The following OCRL variants were observed in gnomAD, a reference collection of about 807,000 sequenced individuals.
OCRL encodes OCRL inositol polyphosphate-5-phosphatase, also known as inositol polyphosphate 5-phosphatase OCRL.
A neutral mutation model predicts 78.9 loss-of-function variants in OCRL; 8 were observed. The ratio of observed to expected loss-of-function variants is 0.10; its 90% CI spans 0.06 to 0.18. The LOEUF (loss-of-function observed/expected upper bound fraction) is 0.18. OCRL is among the 10% of genes least tolerant of loss of function. The probability of loss-of-function intolerance (pLI) is 1.00; values close to 1 mark genes in which losing one functional copy is unlikely to be tolerated. For missense variants in OCRL, 454 were observed against 696.7 expected (o/e 0.65, Z 3.92); for synonymous variants, 240 against 235.4 (o/e 1.02, Z -0.18).
intron 18 of OCRL, among the ~76,000 whole-genome samples, chrX:129,578,863 GACA>G (rs961533812): frequency 1.8e-5 from 2 of 108,868 alleles, no homozygotes; most frequent in African/African-American, 6.8e-5. Context: ...TATGTGTGTG[GACA>G]TCATTTTTCT....
chrX:129,542,402 CTA>C (rs1206480493), intron 2 of OCRL, among the ~76,000 whole-genome samples: 1 of 105,747 alleles, frequency 9.5e-6, no homozygotes, highest in Non-Finnish European at 1.9e-5. Flanking sequence ...TATATATAAA[CTA>C]TGTAAATAGT....
Position 129,567,356 on chromosome X carries a change from G to T in OCRL, c.1459G>T (p.Asp487Tyr). ...YKYDSKTDRW[D>Y]SSGKCRVPAW... ...GTATGACTCTAAAACAGACCGGTGGGATTCCAGGTAAAGTAATAAGAACCT... is the reference window on the plus strand; with the variant it reads ...GTATGACTCTAAAACAGACCGGTGGTATTCCAGGTAAAGTAATAAGAACCT... The change falls in exon 14 of 24, where the codon GAT becomes TAT. Residue 487 changes from aspartate (D) to tyrosine (Y), a missense_variant. Asp to Tyr is a radical substitution (Grantham distance 160). Transcript: ENST00000371113. 1 of 1,150,806 alleles carries T rather than the reference G, an allele frequency of 8.7e-7. No individual in the cohort carries two copies. The highest frequency in any genetic ancestry group is 1.2e-6 in the Non-Finnish European group (1 of 840,025). 94.8% of individuals were successfully genotyped at this position (1,150,806 alleles called of 1,213,427 possible). A position where few individuals can be genotyped will look rare whatever the true frequency, so the allele number is the denominator to read the frequency against.
In OCRL at chrX:129,544,955, T is replaced by C. The variant is rs752861579; in HGVS notation, c.120-3T>C. The C allele has an allele frequency of 5.3e-6, 6 of 1,136,510 alleles. No homozygotes were observed. Among genetic ancestry groups the C allele is most frequent in the Middle Eastern group, 2.4e-4 (1 of 4,169 alleles). 93.7% of individuals were successfully genotyped at this position (1,136,510 alleles called of 1,213,427 possible). A position where few individuals can be genotyped will look rare whatever the true frequency, so the allele number is the denominator to read the frequency against. Reference sequence around the variant, plus strand: ...TTCTTTGATGCGTTCTTCTGTTTCCTAGGTTAATAATCCAGTTGCATGAGA... The same window carrying C: ...TTCTTTGATGCGTTCTTCTGTTTCCCAGGTTAATAATCCAGTTGCATGAGA... On this transcript the variant is annotated splice_region_variant and splice_polypyrimidine_tract_variant and intron_variant, in intron 2 of 23. Transcript: ENST00000371113.
chrX:129,584,479 T>C, intron 19 of OCRL, 112 bp downstream of exon 19: 1 of 707,621 alleles, frequency 1.4e-6, no homozygotes, highest in Non-Finnish European at 2.3e-6. Context: ...TCTGACTTGG[T>C]GAGACTCCCC....
intron 4 of OCRL, among the ~76,000 whole-genome samples, chrX:129,556,010 C>T (rs1936042617): frequency 9.0e-6 from 1 of 110,917 alleles, no homozygotes; most frequent in South Asian, 3.8e-4. Context: ...TTTTCTTATC[C>T]GTAGTCTATT....
intron 16 of OCRL, 48 bp from the exon 17 acceptor site, chrX:129,575,849 A>G: frequency 8.5e-7 from 1 of 1,183,264 alleles, no homozygotes; most frequent in Non-Finnish European, 1.1e-6. Context: ...CAACTGACTT[A>G]CTTCCCCTAC....
intron 16 of OCRL, 141 bp from the exon 17 acceptor site, chrX:129,575,756 G>A (rs981414991): frequency 1.6e-6 from 1 of 633,406 alleles, no homozygotes; most frequent in African/African-American, 2.2e-5. Flanking sequence ...ATGTTGTGAA[G>A]TTGGTTCAGT....
intron 18 of OCRL, among the ~76,000 whole-genome samples, chrX:129,583,772 G>C (rs1021963585): frequency 2.7e-5 from 3 of 111,327 alleles, no homozygotes; most frequent in Non-Finnish European, 5.6e-5. Context: ...CTTCTGATCC[G>C]CAAAGGTCTG....
chrX:129,558,608 T>TGACTTTGA (rs745557715), intron 6 of OCRL, 25 bp from the exon 7 acceptor site: 4 of 1,209,349 alleles, frequency 3.3e-6, no homozygotes, highest in Non-Finnish European at 4.5e-6. Flanking sequence ...TTTCCCCGTT[T>TGACTTTGA]GACTTTGGGG....
intron 18 of OCRL, among the ~76,000 whole-genome samples, chrX:129,577,697 C>T (rs1353380068): frequency 9.0e-6 from 1 of 111,653 alleles, no homozygotes; most frequent in Non-Finnish European, 1.9e-5. Context: ...AGTCCAGCCC[C>T]GGCATTCTTT....
At chrX:129,540,955 C>G (rs1235393612) in intron 2 of OCRL, 132 bp downstream of exon 2, 1 of 543,012 alleles carries the variant, frequency 1.8e-6, no homozygotes, top group African/African-American at 2.3e-5. Context: ...GTGTGAAGTG[C>G]CAGTGCTCTC....
chrX:129,582,985 G>A (rs1936464633), intron 18 of OCRL, among the ~76,000 whole-genome samples: 2 of 111,897 alleles, frequency 1.8e-5, no homozygotes, highest in Admixed American at 1.9e-4. Flanking sequence ...GTGGTCCATA[G>A]TCAGATTCGA....
In OCRL at chrX:129,589,341, G is replaced by A. The variant is rs1050181721; in HGVS notation, c.2469+328G>A. 3.3e-5 allele frequency: 10 copies of A among 305,181 alleles called. No homozygotes were observed. In the Admixed American group the frequency reaches 4.1e-4, roughly 12 times the overall value. The allele number at this position is 305,181 out of a possible 1,213,427, so 25.2% of individuals were successfully genotyped here. On this transcript the variant is annotated intron_variant, in intron 22 of 23. Transcript: ENST00000371113. ...CAGGAAGGATGGGTGACACTTGGGA[G>A]CCTTTCTTCTTTTTCTCTTCTTGGT...
intron 10 of OCRL, among the ~76,000 whole-genome samples, chrX:129,561,580 T>G (rs959785709): frequency 8.9e-6 from 1 of 112,437 alleles, no homozygotes; most frequent in African/African-American, 3.2e-5. Context: ...AGATTTAGAT[T>G]ACTCACTGAC....
intron 15 of OCRL, among the ~76,000 whole-genome samples, chrX:129,572,875 G>A (rs764095449): frequency 1.3e-4 from 14 of 111,951 alleles, no homozygotes; most frequent in African/African-American, 4.2e-4. Context: ...TCTTAAACTA[G>A]TCCAGATGTC....
chrX:129,586,377 A>C (rs1936512226), intron 19 of OCRL, among the ~76,000 whole-genome samples: 1 of 112,084 alleles, frequency 8.9e-6, no homozygotes, highest in Admixed American at 9.5e-5. Context: ...AGCTGTATTC[A>C]GTTTACTATT....
At position 129,545,053 on chromosome X, in the gene OCRL, C is replaced by G. The variant is rs5977104; in HGVS notation, c.199+16C>G. ...TGTGTTCAAGGTACTAGCTTTAATT[C>G]CTTAGCTAGTTTTATAATGTTTTTT... On this transcript the variant is annotated intron_variant, in intron 3 of 23. Transcript: ENST00000371113. 87,897 of 883,854 alleles carry G rather than the reference C, an allele frequency of 0.099. 14,095 individuals are homozygous for G. The highest frequency in any genetic ancestry group is 0.72 in the East Asian group (22,929 of 32,056). The allele number at this position is 883,854 out of a possible 1,213,427, so 72.8% of individuals were successfully genotyped here.
intron 12 of OCRL, among the ~76,000 whole-genome samples, chrX:129,564,727 G>A (rs1016661220): frequency 2.7e-5 from 3 of 109,503 alleles, no homozygotes; most frequent in Admixed American, 1.9e-4. Context: ...GTTGTGGGGT[G>A]GGGGGAGCGG....
chrX:129,567,431 G>GT, intron 14 of OCRL, 68 bp downstream of exon 14: 1 of 789,553 alleles, frequency 1.3e-6, no homozygotes, highest in Non-Finnish European at 1.9e-6. Flanking sequence ...CTCCATATTG[G>GT]TAAGGGGCTA....
Sources: allele counts gnomAD v4.1 joint callset (sites outside exome capture counted in the v4.1 genomes callset), GRCh38; gene constraint gnomAD v4.1.1; transcripts MANE v1.5; gene names NCBI Gene and HGNC (gene_info 2026-07-23, HGNC 2026-07-21).